The following LANCL3 variants were observed in gnomAD, a reference collection of about 807,000 sequenced individuals.
The protein encoded by LANCL3 is LanC like family member 3.
LANCL3 carries 19 observed loss-of-function variants against 26.5 expected under a neutral mutation model. The ratio of observed to expected loss-of-function variants is 0.72; its 90% CI spans 0.50 to 1.05. The LOEUF is 1.05. Among genes scored for constraint, LANCL3 ranks in the 50% least tolerant of loss-of-function variants. LANCL3 has a pLI of 0.00. For synonymous variants in LANCL3, 160 were observed against 166.6 expected (o/e 0.96, Z 0.30); for missense variants, 318 against 362.7 (o/e 0.88, Z 1.00).
chrX:37,645,635 C>T (rs1381769439), intron 1 of LANCL3, among the ~76,000 whole-genome samples: 1 of 112,210 alleles, frequency 8.9e-6, no homozygotes, highest in African/African-American at 3.2e-5. Flanking sequence ...TGCTTCCTCT[C>T]GCTGCCTTGA....
chrX:37,611,696 C>T (rs1419680504), intron 1 of LANCL3, among the ~76,000 whole-genome samples: 1 of 111,845 alleles, frequency 8.9e-6, no homozygotes, highest in Non-Finnish European at 1.9e-5. Context: ...TACTGAGGAG[C>T]TTCAGAGCAT....
intron 1 of LANCL3, among the ~76,000 whole-genome samples, chrX:37,650,739 CT>C (rs1272069189): frequency 1.2e-4 from 12 of 103,208 alleles, no homozygotes; most frequent in African/African-American, 3.9e-4. Context: ...TTTTTTTTCT[CT>C]TTTTTTTTAT....
At chrX:37,601,449 T>A (rs1556420008) in intron 1 of LANCL3, among the ~76,000 whole-genome samples, 1 of 109,529 alleles carries the variant, frequency 9.1e-6, no homozygotes, top group East Asian at 2.9e-4. Context: ...TTATTTTAAA[T>A]AATGAAATCT....
intron 1 of LANCL3, among the ~76,000 whole-genome samples, chrX:37,621,485 T>C (rs1925158716): frequency 8.9e-6 from 1 of 112,412 alleles, no homozygotes; most frequent in South Asian, 3.7e-4. Context: ...ATTACAGATA[T>C]TTTCACATTC....
chrX:37,649,443 A>G (rs1201035296), intron 1 of LANCL3, among the ~76,000 whole-genome samples: 28 of 110,619 alleles, frequency 2.5e-4, no homozygotes, highest in African/African-American at 7.3e-4. Context: ...AACACACACC[A>G]GGTCCTGTTG....
intron 3 of LANCL3, among the ~76,000 whole-genome samples, chrX:37,664,772 G>A (rs1420964870): frequency 4.5e-5 from 5 of 111,312 alleles, no homozygotes; most frequent in Admixed American, 9.5e-5. Context: ...TTGTGTCCAT[G>A]TGTTCTCATC....
chrX:37,666,587 C>A, intron 3 of LANCL3, among the ~76,000 whole-genome samples: 2 of 111,937 alleles, frequency 1.8e-5, no homozygotes, highest in Middle Eastern at 9.2e-3. Context: ...AATATGAACA[C>A]CCAGAACTTG....
chrX:37,676,108 G>T lies in LANCL3; in HGVS notation c.*295G>T, dbSNP rs1204427129. 2.3e-5 allele frequency: 4 copies of T among 173,084 alleles called. No individual in the cohort carries two copies. The Admixed American group carries it at 3.1e-4, about 14-fold the overall frequency. The allele number at this position is 173,084 out of a possible 1,213,427, so 14.3% of individuals were successfully genotyped here. On this transcript the variant is annotated 3_prime_UTR_variant, in exon 5 of 5. Coordinates refer to ENST00000378619, the MANE Select transcript of LANCL3 (RefSeq NM_001170331.2). ...TGATCTGTTTTTCAGTTATGACATA[G>T]AAAACCAAACTGCAAGTGTAGACTA...
chrX:37,663,353 C>T (rs781854394), intron 3 of LANCL3, among the ~76,000 whole-genome samples: 3 of 111,619 alleles, frequency 2.7e-5, no homozygotes, highest in African/African-American at 9.8e-5. Context: ...GGGAAGGCTT[C>T]CTGGAGGTTG....
intron 1 of LANCL3, among the ~76,000 whole-genome samples, chrX:37,653,281 C>T (rs781846161): frequency 2.7e-5 from 3 of 110,910 alleles, no homozygotes; most frequent in Non-Finnish European, 5.7e-5. Context: ...CAAACACACA[C>T]GTACACAGAC....
At chrX:37,641,336 A>G (rs1379301623) in intron 1 of LANCL3, among the ~76,000 whole-genome samples, 1 of 110,061 alleles carries the variant, frequency 9.1e-6, no homozygotes, top group Non-Finnish European at 1.9e-5. Context: ...CATTTTGCAG[A>G]TGAATACAGT....
intron 1 of LANCL3, among the ~76,000 whole-genome samples, chrX:37,641,198 A>G (rs1403061742): frequency 9.0e-6 from 1 of 111,123 alleles, no homozygotes; most frequent in African/African-American, 3.3e-5. Flanking sequence ...GGACATGATC[A>G]CACAGAGGAT....
intron 1 of LANCL3, among the ~76,000 whole-genome samples, chrX:37,652,027 AT>A (rs34591782): frequency 0.02 from 1,652 of 80,984 alleles, 35 homozygotes; most frequent in African/African-American, 0.052. Context: ...TGACAGCTTC[AT>A]TTTTTTTTTT....
intron 1 of LANCL3, among the ~76,000 whole-genome samples, chrX:37,581,765 C>T (rs1212659517): frequency 1.8e-5 from 2 of 111,730 alleles, no homozygotes; most frequent in East Asian, 2.8e-4. Flanking sequence ...CACGAAAACC[C>T]GAACTTATTA....
At position 37,659,668 on chromosome X, in the gene LANCL3, C is replaced by T. The variant is rs782790479; in HGVS notation, c.895+9C>T. On this transcript the variant is annotated intron_variant, in intron 3 of 4. Transcript: ENST00000378619. Reference sequence around the variant, plus strand: ...GTGCCATGGCGCTCCAGGTCTCACACACTCTGTTACCTAAAAATATTGCCT... The same window carrying T: ...GTGCCATGGCGCTCCAGGTCTCACATACTCTGTTACCTAAAAATATTGCCT... 8.3e-7 allele frequency: 1 copy of T among 1,201,509 alleles called. No individual in the cohort carries two copies. Among genetic ancestry groups the T allele is most frequent in the South Asian group, 1.8e-5 (1 of 56,466 alleles).
At chrX:37,585,305 A>G (rs1342062457) in intron 1 of LANCL3, among the ~76,000 whole-genome samples, 1 of 111,604 alleles carries the variant, frequency 9.0e-6, no homozygotes, top group Non-Finnish European at 1.9e-5. Context: ...GTAGATGTCT[A>G]TTAGGTCTGC....
rs1926746006 is a variant in LANCL3 at position 37,674,258 on chromosome X, G to T, written c.1104-1396G>T. Among the ~76,000 whole-genome samples the T allele has an allele frequency of 3.6e-5, 4 of 111,645 alleles. No individual in the cohort carries two copies. The Admixed American group carries it at 3.8e-4, about 11-fold the overall frequency. On this transcript the variant is annotated intron_variant, in intron 4 of 4. Transcript: ENST00000378619. ...AAGTCACAGAAGTATTAGTAGCTGT[G>T]ACTTTGCAAACAATAGAATTCATAG...
At chrX:37,658,467 T>C (rs1307656065) in intron 2 of LANCL3, among the ~76,000 whole-genome samples, 4 of 111,988 alleles carry the variant, frequency 3.6e-5, no homozygotes, top group African/African-American at 1.3e-4. Context: ...CTTTATTCTA[T>C]TCAGGCCTTC....
chrX:37,637,565 A>G (rs1925740457), intron 1 of LANCL3, among the ~76,000 whole-genome samples: 1 of 111,398 alleles, frequency 9.0e-6, no homozygotes, highest in Non-Finnish European at 1.9e-5. Context: ...GGCAGCAGCC[A>G]TTTTGTGCCT....
Sources: gnomAD v4.1 joint callset for allele counts (sites outside exome capture counted in the v4.1 genomes callset) on GRCh38, gnomAD v4.1.1 for gene constraint, MANE v1.5 for transcripts, NCBI Gene and HGNC (gene_info 2026-07-23, HGNC 2026-07-21) for gene names.